The following CNBD1 variants were observed in gnomAD, a reference collection of about 807,000 sequenced individuals.
CNBD1 encodes the protein cyclic nucleotide-binding domain-containing protein 1.
In CNBD1, 71 loss-of-function variants were observed where a neutral mutation model predicts 54.4. The observed-to-expected ratio is 1.30, with a 90% CI of 1.08 to 1.59. CNBD1 has a LOEUF of 1.59. Ranked by LOEUF, CNBD1 falls within the 40% of genes most tolerant of loss-of-function variation. CNBD1 has a pLI of 0.00. For synonymous variants in CNBD1, 182 were observed against 170.7 expected (o/e 1.07, Z -0.51); for missense variants, 659 against 518.0 (o/e 1.27, Z -2.64).
rs960560749 is a variant in CNBD1, at chr8:87,022,262, G to A, written c.431+82508G>A. Among the ~76,000 whole-genome samples the A allele has an allele frequency of 1.3e-5, 2 of 152,202 alleles. 1 individual carries two copies. Among genetic ancestry groups the A allele is most frequent in the Non-Finnish European group, 2.9e-5 (2 of 68,026 alleles). ...CTGGAGGAAAGTTTTACAGGGTCAT[G>A]GTGCTAGGACTACTTGCATGGAGTG... is the stretch of plus-strand genomic sequence containing the variant. On this transcript the variant is annotated intron_variant, in intron 4 of 10. Transcript: ENST00000518476.
chr8:87,414,727 G>T (rs1807808591), intron 2 of CNBD1, among the ~76,000 whole-genome samples: 1 of 151,780 alleles, frequency 6.6e-6, no homozygotes, highest in Non-Finnish European at 1.5e-5. Context: ...ATAACTTTTA[G>T]TTTGTTTCAA....
At chr8:86,906,302 C>A (rs1441371261) in intron 3 of CNBD1, among the ~76,000 whole-genome samples, 1 of 152,118 alleles carries the variant, frequency 6.6e-6, no homozygotes, top group Non-Finnish European at 1.5e-5. Flanking sequence ...TCTTTATAGC[C>A]ATAGGGCAGT....
At chr8:87,407,252 T>A (rs1192316070) in intron 2 of CNBD1, among the ~76,000 whole-genome samples, 1 of 152,120 alleles carries the variant, frequency 6.6e-6, no homozygotes, top group African/African-American at 2.4e-5. Flanking sequence ...AAAATTAATA[T>A]AAGAAACACA....
At chr8:87,248,368 C>A (rs189642236) in intron 6 of CNBD1, among the ~76,000 whole-genome samples, 5 of 152,328 alleles carry the variant, frequency 3.3e-5, no homozygotes, top group East Asian at 1.9e-4. Flanking sequence ...CAGGTAGGAT[C>A]AACCTTCACC....
intron 2 of CNBD1, among the ~76,000 whole-genome samples, chr8:87,388,688 A>G (rs1052171665): frequency 3.3e-5 from 5 of 152,212 alleles, no homozygotes; most frequent in Non-Finnish European, 5.9e-5. Flanking sequence ...AGGAGCTGGT[A>G]CCATTCCTTC....
In CNBD1 at chr8:86,918,956, CATT is replaced by C. The variant is rs535721042; in HGVS notation, c.272+13766_272+13768del. Among the ~76,000 whole-genome samples the C allele has an allele frequency of 2.1e-4, 32 of 151,902 alleles. No homozygotes were observed. In the East Asian group the frequency reaches 6.0e-3, roughly 29 times the overall value. On this transcript the variant is annotated intron_variant, in intron 3 of 10. Coordinates refer to ENST00000518476, the MANE Select transcript of CNBD1 (RefSeq NM_173538.3). ...ATTTCACTCTATGTTCATGTGAACA[CATT>C]ATTTAGCTTCTACTTGTAAGAACAT...
At chr8:87,188,789 TAAATG>T (rs1813536736) in intron 4 of CNBD1, among the ~76,000 whole-genome samples, 5 of 143,092 alleles carry the variant, frequency 3.5e-5, no homozygotes. Context: ...AGTAAATAAA[TAAATG>T]AAGGAATGAA....
At chr8:87,020,216 T>C (rs1341681863) in intron 4 of CNBD1, among the ~76,000 whole-genome samples, 1 of 152,088 alleles carries the variant, frequency 6.6e-6, no homozygotes, top group Non-Finnish European at 1.5e-5. Context: ...AAATCTGATC[T>C]AGGATTTTTT....
chr8:87,356,439 A>G (rs1476521744), intron 10 of CNBD1, among the ~76,000 whole-genome samples: 2 of 152,198 alleles, frequency 1.3e-5, no homozygotes, highest in African/African-American at 2.4e-5. Flanking sequence ...AATAAAGTGT[A>G]TCCTTGCTAT....
chr8:87,335,107 G>A (rs1223814466), intron 8 of CNBD1, among the ~76,000 whole-genome samples: 1 of 152,106 alleles, frequency 6.6e-6, no homozygotes. Flanking sequence ...ATTTGCTGAG[G>A]AGCGTTTTAC....
At chr8:87,406,476 AC>A (rs1807655040) in intron 2 of CNBD1, among the ~76,000 whole-genome samples, 1 of 93,796 alleles carries the variant, frequency 1.1e-5, no homozygotes, top group African/African-American at 5.4e-5. Flanking sequence ...ACACACACAC[AC>A]ACTTTTTTTT....
chr8:87,423,711 C>A (rs1377818024), intron 2 of CNBD1, among the ~76,000 whole-genome samples: 2 of 150,960 alleles, frequency 1.3e-5, no homozygotes, highest in Admixed American at 1.3e-4. Flanking sequence ...CATCAATGTT[C>A]ATCAAGGATA....
chr8:86,869,822 A>G (rs2453437), intron 1 of CNBD1, among the ~76,000 whole-genome samples: 105,217 of 151,836 alleles, frequency 0.69, 37,083 homozygotes, highest in African/African-American at 0.81. Flanking sequence ...TCCTGAAGAG[A>G]TAGAAAAAAA....
At chr8:87,124,733 G>T (rs994611095) in intron 4 of CNBD1, among the ~76,000 whole-genome samples, 1 of 151,600 alleles carries the variant, frequency 6.6e-6, no homozygotes, top group African/African-American at 2.4e-5. Context: ...TTCCTTCAAT[G>T]TCAGAAATAA....
intron 5 of CNBD1, among the ~76,000 whole-genome samples, chr8:87,223,739 T>C (rs1814404838): frequency 6.6e-6 from 1 of 152,040 alleles, no homozygotes; most frequent in Admixed American, 6.5e-5. Flanking sequence ...TGATTCATAG[T>C]CCTTTGGGTA....
At chr8:87,037,439 A>G (rs1563444558) in intron 4 of CNBD1, among the ~76,000 whole-genome samples, 1 of 152,098 alleles carries the variant, frequency 6.6e-6, no homozygotes, top group Non-Finnish European at 1.5e-5. Context: ...TTTTTCAGAA[A>G]CTCATTAAGC....
At chr8:86,959,322 A>G (rs1462940793) in intron 4 of CNBD1, among the ~76,000 whole-genome samples, 1 of 152,050 alleles carries the variant, frequency 6.6e-6, no homozygotes, top group African/African-American at 2.4e-5. Flanking sequence ...TGACAATTAT[A>G]TGTCTTGGAG....
At chr8:87,159,489 G>T (rs1406419143) in intron 4 of CNBD1, among the ~76,000 whole-genome samples, 1 of 152,058 alleles carries the variant, frequency 6.6e-6, no homozygotes, top group African/African-American at 2.4e-5. Context: ...GTCTTGGAGG[G>T]CTCTCTGTGC....
chr8:87,141,538 T>C (rs1812369829), intron 4 of CNBD1, among the ~76,000 whole-genome samples: 1 of 152,088 alleles, frequency 6.6e-6, no homozygotes, highest in Non-Finnish European at 1.5e-5. Flanking sequence ...TTCCAACCAT[T>C]TTTAATATTT....
Sources: gnomAD v4.1 joint callset for allele counts (sites outside exome capture counted in the v4.1 genomes callset) on GRCh38, gnomAD v4.1.1 for gene constraint, MANE v1.5 for transcripts, NCBI Gene and HGNC (gene_info 2026-07-23, HGNC 2026-07-21) for gene names.